The following NBEA variants were observed in gnomAD, a reference collection of about 807,000 sequenced individuals.
The protein encoded by NBEA is lysosomal-trafficking regulator 2.
In NBEA, 44 loss-of-function variants were observed where a neutral mutation model predicts 343.4. The observed-to-expected ratio is 0.13, with a 90% CI of 0.10 to 0.16. The LOEUF is 0.16. Ranked by LOEUF, NBEA falls within the 10% of genes least tolerant of loss-of-function variation. The pLI, the probability that NBEA is intolerant of heterozygous loss-of-function variation, is 1.00. For missense variants in NBEA, 2,555 were observed against 3,631.3 expected (o/e 0.70, Z 7.62); for synonymous variants, 1,175 against 1,238.7 (o/e 0.95, Z 1.08).
intron 41 of NBEA, among the ~76,000 whole-genome samples, chr13:35,492,395 T>C (rs930854153): frequency 6.6e-6 from 1 of 151,894 alleles, no homozygotes; most frequent in Non-Finnish European, 1.5e-5. Flanking sequence ...ATGGTAATTA[T>C]GAAGTGATGC....
At position 35,439,062 on chromosome 13, in the gene NBEA, T is replaced by C. The variant is rs181559938; in HGVS notation, c.6304+6669T>C. 2.6e-5 allele frequency among the ~76,000 whole-genome samples: 4 copies of C among 152,298 alleles called. No homozygotes were observed. In the East Asian group the frequency reaches 7.7e-4, roughly 29 times the overall value. On this transcript the variant is annotated intron_variant, in intron 39 of 58. Coordinates refer to ENST00000379939, the MANE Select transcript of NBEA (RefSeq NM_001385012.1). ...GGATTTGGAGACTGAGACAATCAGTTTCTTCCATCTAACAGCACATAGTTT... is the reference window on the plus strand; with the variant it reads ...GGATTTGGAGACTGAGACAATCAGTCTCTTCCATCTAACAGCACATAGTTT...
intron 47 of NBEA, among the ~76,000 whole-genome samples, chr13:35,596,083 T>TGTGTGC (rs558926870): frequency 3.3e-5 from 5 of 152,026 alleles, no homozygotes; most frequent in African/African-American, 9.6e-5. Flanking sequence ...GTTTAATGTG[T>TGTGTGC]GTGTGCGTGT....
At chr13:35,583,790 C>A in intron 45 of NBEA, 108 bp from the exon 46 acceptor site, 1 of 764,870 alleles carries the variant, frequency 1.3e-6, no homozygotes, top group South Asian at 2.0e-5. Context: ...TGTATTTATG[C>A]TGTATGGCTA....
At chr13:35,478,741 C>T (rs974754243) in intron 41 of NBEA, among the ~76,000 whole-genome samples, 1 of 152,248 alleles carries the variant, frequency 6.6e-6, no homozygotes, top group African/African-American at 2.4e-5. Flanking sequence ...GCCGCGGGCC[C>T]CTGCGCCCTG....
chr13:35,522,113 G>C (rs1262042077), intron 41 of NBEA, among the ~76,000 whole-genome samples: 1 of 152,046 alleles, frequency 6.6e-6, no homozygotes, highest in African/African-American at 2.4e-5. Context: ...GGTATGAGGG[G>C]AACCCAGAGA....
intron 41 of NBEA, among the ~76,000 whole-genome samples, chr13:35,543,733 G>C (rs930870355): frequency 2.6e-5 from 4 of 152,148 alleles, no homozygotes; most frequent in Non-Finnish European, 5.9e-5. Context: ...ATGGGAAAGA[G>C]AACCTGTACT....
chr13:35,394,575 G>A (rs1174750443), intron 38 of NBEA, among the ~76,000 whole-genome samples: 1 of 151,682 alleles, frequency 6.6e-6, no homozygotes, highest in East Asian at 1.9e-4. Flanking sequence ...GAGCAAACTC[G>A]CTGGAAAAAA....
chr13:34,956,636 A>G (rs2059501241), intron 1 of NBEA, among the ~76,000 whole-genome samples: 1 of 152,190 alleles, frequency 6.6e-6, no homozygotes, highest in Admixed American at 6.5e-5. Flanking sequence ...CATCACCTCA[A>G]CTATTTATAA....
At chr13:35,498,734 T>A (rs1345473111) in intron 41 of NBEA, among the ~76,000 whole-genome samples, 1 of 152,154 alleles carries the variant, frequency 6.6e-6, no homozygotes, top group African/African-American at 2.4e-5. Flanking sequence ...TTCAGTTATC[T>A]ACATTAAATC....
chr13:35,274,333 TCAATAAAC>T (rs1434747759), intron 34 of NBEA, among the ~76,000 whole-genome samples: 3 of 152,166 alleles, frequency 2.0e-5, no homozygotes. Context: ...CTAAAAACTC[TCAATAAAC>T]TAAGTATTGA....
intron 33 of NBEA, among the ~76,000 whole-genome samples, chr13:35,220,493 G>A (rs1173058976): frequency 2.0e-5 from 3 of 152,076 alleles, no homozygotes; most frequent in Non-Finnish European, 2.9e-5. Context: ...ATTCTAGGTT[G>A]GCAATTATTT....
intron 13 of NBEA, among the ~76,000 whole-genome samples, chr13:35,115,785 A>G (rs1319562220): frequency 1.3e-5 from 2 of 152,192 alleles, no homozygotes; most frequent in Admixed American, 6.5e-5. Context: ...TGTGATTAAA[A>G]TGGGCCTGGT....
chr13:35,121,926 A>G (rs922571241), intron 16 of NBEA, among the ~76,000 whole-genome samples: 1 of 152,190 alleles, frequency 6.6e-6, no homozygotes, highest in Non-Finnish European at 1.5e-5. Flanking sequence ...AAAGCACACT[A>G]TAATGTTACA....
intron 34 of NBEA, among the ~76,000 whole-genome samples, chr13:35,278,751 T>C (rs572110968): frequency 6.6e-6 from 1 of 152,320 alleles, no homozygotes; most frequent in Non-Finnish European, 1.5e-5. Flanking sequence ...GAAAGAACTA[T>C]GTATGCTTTA....
chr13:35,040,689 A>G (rs1020125749), intron 1 of NBEA, among the ~76,000 whole-genome samples: 3 of 152,006 alleles, frequency 2.0e-5, no homozygotes, highest in Admixed American at 1.3e-4. Context: ...AGTTTGCTCT[A>G]TTTTACTAGA....
intron 45 of NBEA, among the ~76,000 whole-genome samples, chr13:35,569,405 G>T (rs1416214864): frequency 6.6e-6 from 1 of 152,050 alleles, no homozygotes; most frequent in African/African-American, 2.4e-5. Flanking sequence ...TAGATTCTCA[G>T]GTAGCATATT....
chr13:35,374,429 T>C (rs943475849), intron 38 of NBEA, among the ~76,000 whole-genome samples: 1 of 152,130 alleles, frequency 6.6e-6, no homozygotes, highest in African/African-American at 2.4e-5. Context: ...ATTACGAAAA[T>C]GTGACCCAGA....
intron 10 of NBEA, among the ~76,000 whole-genome samples, chr13:35,098,011 T>C (rs1269669794): frequency 6.6e-6 from 1 of 152,106 alleles, no homozygotes; most frequent in Non-Finnish European, 1.5e-5. Flanking sequence ...AAGCCAGACA[T>C]ATAAATATAC....
chr13:35,497,455 C>A (rs898199968), intron 41 of NBEA, among the ~76,000 whole-genome samples: 5 of 152,060 alleles, frequency 3.3e-5, no homozygotes, highest in African/African-American at 1.2e-4. Flanking sequence ...GACTTTCTTT[C>A]ATACTCTGGA....
Sources: allele counts gnomAD v4.1 joint callset (sites outside exome capture counted in the v4.1 genomes callset), GRCh38; gene constraint gnomAD v4.1.1; transcripts MANE v1.5; gene names NCBI Gene and HGNC (gene_info 2026-07-23, HGNC 2026-07-21).